The following NGLY1 variants were observed in gnomAD, a reference collection of about 807,000 sequenced individuals.
NGLY1 encodes the protein peptide-N(4)-(N-acetyl-beta-glucosaminyl)asparagine amidase.
NGLY1 carries 68 observed loss-of-function variants against 84.6 expected under a neutral mutation model. The ratio of observed to expected loss-of-function variants is 0.80; its 90% CI spans 0.66 to 0.98. The LOEUF is 0.98. Ranked by LOEUF, NGLY1 falls within the 50% of genes least tolerant of loss-of-function variation. The pLI, the probability that NGLY1 is intolerant of heterozygous loss-of-function variation, is 0.00. For synonymous variants in NGLY1, 280 were observed against 275.2 expected, an observed-to-expected ratio of 1.02 and a Z score of -0.17; for missense variants, 779 against 770.2, an observed-to-expected ratio of 1.01 and a Z score of -0.14.
In NGLY1 at chr3:25,756,548, A is replaced by G. The variant is rs575165996; in HGVS notation, c.493-5285T>C. 9.9e-5 allele frequency among the ~76,000 whole-genome samples: 15 copies of G among 152,238 alleles called. No homozygotes were observed. The South Asian group carries it at 3.1e-3, about 32-fold the overall frequency. ...CAAGTTGATAACTCTACCATATTTC[A>G]CATTTCTAAATTTAACAGAGATGCT... On this transcript the variant is annotated intron_variant, in intron 3 of 11. Coordinates refer to ENST00000280700, the MANE Select transcript of NGLY1 (RefSeq NM_018297.4).
chr3:25,776,981 A>C (rs1215884736), intron 2 of NGLY1, among the ~76,000 whole-genome samples: 1 of 152,216 alleles, frequency 6.6e-6, no homozygotes, highest in East Asian at 1.9e-4. Context: ...TTTCTTATTT[A>C]GACTAATGTA....
chr3:25,738,687 G>A (rs1559537112), intron 5 of NGLY1, among the ~76,000 whole-genome samples: 1 of 151,692 alleles, frequency 6.6e-6, no homozygotes, highest in Non-Finnish European at 1.5e-5. Flanking sequence ...GGAGCGCAGT[G>A]GCACAATCTT....
At chr3:25,733,465 A>ATG (rs1705646888) in intron 8 of NGLY1, among the ~76,000 whole-genome samples, 1 of 108,576 alleles carries the variant, frequency 9.2e-6, no homozygotes, top group African/African-American at 5.1e-5. Flanking sequence ...CCTCACATGG[A>ATG]CGTGTGTGTG....
intron 10 of NGLY1, among the ~76,000 whole-genome samples, chr3:25,721,117 G>T (rs1288385102): frequency 1.3e-5 from 2 of 152,092 alleles, no homozygotes; most frequent in East Asian, 1.9e-4. Flanking sequence ...TAGACACAGG[G>T]TCTCACTCTG....
At chr3:25,773,997 G>C (rs553298022) in intron 2 of NGLY1, among the ~76,000 whole-genome samples, 1 of 152,318 alleles carries the variant, frequency 6.6e-6, no homozygotes, top group African/African-American at 2.4e-5. Flanking sequence ...ATAGATACCA[G>C]TACCTACTCT....
At chr3:25,771,544 TG>T (rs1033629217) in intron 2 of NGLY1, among the ~76,000 whole-genome samples, 10 of 152,184 alleles carry the variant, frequency 6.6e-5, no homozygotes, top group African/African-American at 2.4e-4. Flanking sequence ...ATTTTAGGAC[TG>T]TTTTTTTCTA....
rs1488563827 is a variant in NGLY1 at position 25,764,157 on chromosome 3, A to G, written c.401T>C (p.Leu134Pro). ...GGGATTTGAAGATGGTGTTGTAGGA[A>G]GCTGGGTACTGGCTGCAGGTTGCTG... ...SSQQPAASTQLPTTPSSNPSG... is the reference protein window; with the variant it reads ...SSQQPAASTQPPTTPSSNPSG... Residue 134 changes from leucine (L) to proline (P), a missense_variant, in exon 3 of 12, where the codon CTT becomes CCT. Transcript: ENST00000280700. 1 of 1,614,070 alleles carries G rather than the reference A, an allele frequency of 6.2e-7. No homozygotes were observed. The highest frequency in any genetic ancestry group is 8.5e-7 in the Non-Finnish European group (1 of 1,180,038).
At chr3:25,765,800 G>A (rs1575652209) in intron 2 of NGLY1, among the ~76,000 whole-genome samples, 1 of 152,248 alleles carries the variant, frequency 6.6e-6, no homozygotes. Context: ...GCAGTGGAGT[G>A]ATCAAAGCTA....
At chr3:25,782,432 A>C (rs1467207378) in intron 1 of NGLY1, among the ~76,000 whole-genome samples, 1 of 151,992 alleles carries the variant, frequency 6.6e-6, no homozygotes, top group African/African-American at 2.4e-5. Context: ...CTACCCCCCC[A>C]CACCATGTCC....
At chr3:25,783,482 CG>C, upstream of NGLY1, 1 of 1,186,730 alleles carries the variant, frequency 8.4e-7, no homozygotes. This position sits in a 1 kb window ranked among gnomAD's most constrained non-coding sequence, Gnocchi z 4.5. Context: ...CCGCAGCCAC[CG>C]GCAGGGGCGG....
chr3:25,732,271 A>G (rs1462257709), intron 9 of NGLY1, 48 bp downstream of exon 9: 2 of 1,574,350 alleles, frequency 1.3e-6, no homozygotes, highest in South Asian at 1.1e-5. Context: ...AGCATAGTAT[A>G]TGAAGCAGGA....
At chr3:25,772,260 A>G (rs1202600230) in intron 2 of NGLY1, among the ~76,000 whole-genome samples, 2 of 152,124 alleles carry the variant, frequency 1.3e-5, no homozygotes, top group African/African-American at 4.8e-5. Context: ...AGTCTCCACT[A>G]TTATTGTGTT....
intron 4 of NGLY1, among the ~76,000 whole-genome samples, chr3:25,748,350 T>G (rs375062953): frequency 6.6e-6 from 1 of 152,118 alleles, no homozygotes; most frequent in African/African-American, 2.4e-5. Flanking sequence ...TGAGGAGTTC[T>G]TAGGGAAGCC....
In NGLY1 at chr3:25,719,340, T is replaced by G; in HGVS notation, c.*120A>C. ...ATTTTCATGAGGGTTACATGATGGA[T>G]AGCTAGCAAAAGAAATATGCTAGCA... is the stretch of plus-strand genomic sequence containing the variant. On this transcript the variant is annotated 3_prime_UTR_variant, in exon 12 of 12. Transcript: ENST00000280700. 1.5e-6 allele frequency: 1 copy of G among 680,086 alleles called. No individual in the cohort carries two copies. The highest frequency in any genetic ancestry group is 2.5e-6 in the Non-Finnish European group (1 of 406,274). 42.1% of individuals were successfully genotyped at this position (680,086 alleles called of 1,614,324 possible).
chr3:25,742,775 C>T (rs1301037244), intron 4 of NGLY1, among the ~76,000 whole-genome samples: 1 of 150,902 alleles, frequency 6.6e-6, no homozygotes. Flanking sequence ...AATTCAAAGT[C>T]CCAACTCTTG....
At chr3:25,751,285 G>T in intron 3 of NGLY1, 22 bp from the exon 4 acceptor site, 1 of 1,489,674 alleles carries the variant, frequency 6.7e-7, no homozygotes, top group Non-Finnish European at 8.9e-7. Context: ...AAAAAAAACT[G>T]AAATTAACTT....
At chr3:25,789,968 C>T (rs754218849) in exon 1 of NGLY1, 21 of 1,422,554 alleles carry the variant, frequency 1.5e-5, no homozygotes, top group Non-Finnish European at 1.8e-5. Flanking sequence ...ACGGTCTGAC[C>T]TCAGCCAAGG....
chr3:25,732,570 C>CA, intron 8 of NGLY1, 87 bp from the exon 9 acceptor site: 6 of 894,244 alleles, frequency 6.7e-6, no homozygotes, highest in Non-Finnish European at 9.9e-6. Context: ...AAAACACTTG[C>CA]ATTTTAAGAG....
intron 10 of NGLY1, among the ~76,000 whole-genome samples, chr3:25,725,524 T>G (rs780399923): frequency 6.6e-5 from 10 of 152,190 alleles, no homozygotes; most frequent in Admixed American, 5.2e-4. Context: ...TAAAACAAAC[T>G]GGAGCTTGTG....
Sources: allele counts gnomAD v4.1 joint callset (sites outside exome capture counted in the v4.1 genomes callset), GRCh38; gene constraint gnomAD v4.1.1; non-coding constraint Gnocchi (gnomAD v3.1); transcripts MANE v1.5; gene names NCBI Gene and HGNC (gene_info 2026-07-23, HGNC 2026-07-21).